UBXN10: variants seen among roughly 807,000 people sequenced by gnomAD.
UBXN10 encodes the protein UBX domain-containing protein 10.
Under a neutral mutation model 6.9 loss-of-function variants are expected in UBXN10, and 6 were observed. The observed-to-expected ratio is 0.87, with a 90% CI of 0.48 to 1.72. UBXN10 has a LOEUF of 1.72. Ranked by LOEUF, UBXN10 falls within the 40% of genes most tolerant of loss-of-function variation. UBXN10 has a pLI of 0.01. For missense variants in UBXN10, 317 were observed against 348.4 expected, an observed-to-expected ratio of 0.91 and a Z score of 0.72; for synonymous variants, 131 against 135.2, an observed-to-expected ratio of 0.97 and a Z score of 0.21.
Position 20,187,709 on chromosome 1 carries a change from A to G in UBXN10, c.-16+1556A>G, listed in dbSNP as rs1036527870. On this transcript the variant is annotated intron_variant, in intron 1 of 1. Transcript: ENST00000375099. This position sits in a 1 kb window ranked among gnomAD's most constrained non-coding sequence, Gnocchi z 4.6. Reference sequence around the variant, plus strand: ...GAGGTTTTTCTCTGAGATAGCTCACAGTCATGTTATCTTATGACCAGGGTG... The same window carrying G: ...GAGGTTTTTCTCTGAGATAGCTCACGGTCATGTTATCTTATGACCAGGGTG... Among the ~76,000 whole-genome samples the G allele has an allele frequency of 3.3e-5, 5 of 152,222 alleles. No homozygotes were observed. The highest frequency in any genetic ancestry group is 7.3e-5 in the Non-Finnish European group (5 of 68,032).
chr1:20,189,586 T>C (rs1056503620), intron 1 of UBXN10, among the ~76,000 whole-genome samples: 1 of 151,952 alleles, frequency 6.6e-6, no homozygotes, highest in Non-Finnish European at 1.5e-5. Context: ...AGGGTGCCTA[T>C]CGGGTAGCTG....
intron 1 of UBXN10, among the ~76,000 whole-genome samples, chr1:20,188,580 T>TTGCAGGAAGTGCAAATCATTC (rs578110974): frequency 1.2e-3 from 187 of 152,328 alleles, no homozygotes; most frequent in African/African-American, 4.1e-3. Context: ...AGGAGTGAAT[T>TTGCAGGAAGTGCAAATCATTC]TGCAGGAAGT....
In UBXN10 at chr1:20,187,913, C is replaced by G. The variant is rs796374830; in HGVS notation, c.-16+1760C>G. The stretch of plus-strand genomic sequence containing the variant: ...GTTTCTAAGTTACCAAACTCACTGA[C>G]AGTTAAACCTTCCTGAGGCATGTGT... On this transcript the variant is annotated intron_variant, in intron 1 of 1. Coordinates refer to ENST00000375099, the MANE Select transcript of UBXN10 (RefSeq NM_152376.5). This position sits in a 1 kb window ranked among gnomAD's most constrained non-coding sequence, Gnocchi z 4.6. 2.0e-5 allele frequency among the ~76,000 whole-genome samples: 3 copies of G among 152,302 alleles called. No individual in the cohort carries two copies. The highest frequency in any genetic ancestry group is 7.2e-5 in the African/African-American group (3 of 41,564).
chr1:20,189,304 G>T (rs1442607737), intron 1 of UBXN10, among the ~76,000 whole-genome samples: 1 of 152,048 alleles, frequency 6.6e-6, no homozygotes, highest in Non-Finnish European at 1.5e-5. Context: ...CACAGTGGTG[G>T]TCAGGATTCA....
intron 1 of UBXN10, among the ~76,000 whole-genome samples, chr1:20,188,948 C>T (rs916872705): frequency 1.3e-5 from 2 of 152,214 alleles, no homozygotes; most frequent in Non-Finnish European, 2.9e-5. Flanking sequence ...TGCACTAAGC[C>T]TGGTGCTTCC....
chr1:20,184,740 T>C (rs2018337385), upstream of UBXN10: 1 of 152,262 alleles, frequency 6.6e-6, no homozygotes, highest in African/African-American at 2.4e-5. Flanking sequence ...ATATGATGGC[T>C]TCTATTTTCT....
intron 1 of UBXN10, among the ~76,000 whole-genome samples, chr1:20,190,289 A>G (rs867083608): frequency 2.0e-5 from 3 of 152,076 alleles, no homozygotes; most frequent in African/African-American, 4.8e-5. Context: ...CTCTTTGAAA[A>G]TATCTATTTA....
In UBXN10 at chr1:20,191,112, C is replaced by G. The variant is rs771804047; in HGVS notation, c.551C>G (p.Ser184Cys). The change falls in exon 2 of 2, where the codon TCC becomes TGC. Residue 184 changes from serine (S) to cysteine (C), a missense_variant. Physicochemically the swap from Ser to Cys is moderately radical, Grantham distance 112. Transcript: ENST00000375099. The surrounding 1 kb of genome is among the most constrained non-coding windows in gnomAD (Gnocchi z 4.5). ...FIVRTKKQGS[S>C]RAGNLEEPSD... ...GTCCGAACCAAGAAACAGGGCTCTT[C>G]CAGGGCTGGAAATCTGGAGGAACCA... 29 of 1,614,156 alleles carry G rather than the reference C, an allele frequency of 1.8e-5. No homozygotes were observed. The Admixed American group carries it at 4.8e-4, about 27-fold the overall frequency.
rs367979343 is a variant in UBXN10 at position 20,190,523 on chromosome 1, C to T, written c.-15-24C>T. 3.2e-6 allele frequency: 5 copies of T among 1,579,278 alleles called. No individual in the cohort carries two copies. In the African/African-American group the frequency reaches 5.4e-5, roughly 17 times the overall value. On this transcript the variant is annotated intron_variant, in intron 1 of 1. Coordinates refer to ENST00000375099, the MANE Select transcript of UBXN10 (RefSeq NM_152376.5). The stretch of plus-strand genomic sequence containing the variant: ...TCCCAGGAAGTTTAACCCACGGACT[C>T]CTGTTTTTTTCCTGCTTCCTTAGGG...
upstream of UBXN10, chr1:20,184,191 G>GCACACGCA (rs1553184770): frequency 1.0e-5 from 1 of 95,414 alleles, no homozygotes; most frequent in East Asian, 3.2e-4. Flanking sequence ...GCGTGCGTGC[G>GCACACGCA]CACACGCACA....
chr1:20,183,917 T>C (rs2018318044), upstream of UBXN10, among the ~76,000 whole-genome samples: 1 of 152,152 alleles, frequency 6.6e-6, no homozygotes, highest in Admixed American at 6.5e-5. Flanking sequence ...CTGCCCATGT[T>C]TACTGAGATC....
At position 20,187,017 on chromosome 1, in the gene UBXN10, C is replaced by A. The variant is rs1186955637; in HGVS notation, c.-16+864C>A. Among the ~76,000 whole-genome samples, 1 of 152,182 alleles carries A rather than the reference C, an allele frequency of 6.6e-6. No individual in the cohort carries two copies. The highest frequency in any genetic ancestry group is 2.4e-5 in the African/African-American group (1 of 41,446). On this transcript the variant is annotated intron_variant, in intron 1 of 1. Coordinates refer to ENST00000375099, the MANE Select transcript of UBXN10 (RefSeq NM_152376.5). This position sits in a 1 kb window ranked among gnomAD's most constrained non-coding sequence, Gnocchi z 4.6. ...GTATGTAGGTGGTTATATTTTACTG[C>A]ATATACTGTAGGCTTAGATTTGGGT...
upstream of UBXN10, among the ~76,000 whole-genome samples, chr1:20,185,832 C>T (rs886230683): frequency 5.9e-5 from 9 of 152,224 alleles, no homozygotes; most frequent in Non-Finnish European, 1.2e-4. Flanking sequence ...AGGGCTCTCC[C>T]TCTCCCAGAC....
chr1:20,195,109 G>A lies in UBXN10; in HGVS notation c.*3705G>A, dbSNP rs1184256298. On this transcript the variant is annotated 3_prime_UTR_variant, in exon 2 of 2. Coordinates refer to ENST00000375099, the MANE Select transcript of UBXN10 (RefSeq NM_152376.5). ...AGGTGTTTTATTTTTTGTCTACACG[G>A]GTGGCGTGCCACTTTCCTTTCCTGA... 1 of 167,070 alleles carries A rather than the reference G, an allele frequency of 6.0e-6. No individual in the cohort carries two copies. The highest frequency in any genetic ancestry group is 2.4e-5 in the African/African-American group (1 of 41,456). The allele number at this position is 167,070 out of a possible 1,614,324, so 10.3% of individuals were successfully genotyped here.
Position 20,194,335 on chromosome 1 carries a change from T to G in UBXN10, c.*2931T>G, listed in dbSNP as rs1316142909. The G allele has an allele frequency of 6.0e-6, 1 of 167,140 alleles. No individual in the cohort carries two copies. The highest frequency in any genetic ancestry group is 1.5e-5 in the Non-Finnish European group (1 of 68,136). 10.4% of individuals were successfully genotyped at this position (167,140 alleles called of 1,614,324 possible). A position where few individuals can be genotyped will look rare whatever the true frequency, so the allele number is the denominator to read the frequency against. The stretch of plus-strand genomic sequence containing the variant: ...CAGGAGAAGTAAGTGATTCATCATC[T>G]AGAATCCAGAAAATTTGCACCAACA... On this transcript the variant is annotated 3_prime_UTR_variant, in exon 2 of 2. Coordinates refer to ENST00000375099, the MANE Select transcript of UBXN10 (RefSeq NM_152376.5).
Position 20,190,898 on chromosome 1 carries a change from A to G in UBXN10, c.337A>G (p.Lys113Glu). Reference sequence around the variant, plus strand: ...CACTGGGGCTTCCTCTTCTCTCAATAAGTATCCAGTCCTTCCTTCCATCAA... The same window carrying G: ...CACTGGGGCTTCCTCTTCTCTCAATGAGTATCCAGTCCTTCCTTCCATCAA... ...VPTGASSSLNKYPVLPSINRK... is the reference protein window; with the variant it reads ...VPTGASSSLNEYPVLPSINRK... The change falls in exon 2 of 2, where the codon AAG becomes GAG. Residue 113 changes from lysine to glutamate, a missense_variant. Coordinates refer to ENST00000375099, the MANE Select transcript of UBXN10 (RefSeq NM_152376.5). 6.2e-7 allele frequency: 1 copy of G among 1,614,046 alleles called. No homozygotes were observed. The highest frequency in any genetic ancestry group is 8.5e-7 in the Non-Finnish European group (1 of 1,180,016).
At chr1:20,183,525 G>C (rs1443867294), upstream of UBXN10, among the ~76,000 whole-genome samples, 1 of 152,216 alleles carries the variant, frequency 6.6e-6, no homozygotes, top group Non-Finnish European at 1.5e-5. Context: ...GCAAAGGAGG[G>C]CTATGATGCC....
chr1:20,193,865 C>G lies in UBXN10; in HGVS notation c.*2461C>G, dbSNP rs779161103. 1.5e-4 allele frequency: 25 copies of G among 167,040 alleles called. No individual in the cohort carries two copies. The highest frequency in any genetic ancestry group is 2.9e-4 in the Non-Finnish European group (20 of 68,122). The allele number at this position is 167,040 out of a possible 1,614,324, so 10.3% of individuals were successfully genotyped here. On this transcript the variant is annotated 3_prime_UTR_variant, in exon 2 of 2. Coordinates refer to ENST00000375099, the MANE Select transcript of UBXN10 (RefSeq NM_152376.5). ...TTGCATTGCAGCTGAGGCCCCCTGT[C>G]CTAAATGGGCTCAACCGGCCTAGCA...
At chr1:20,190,400 T>C (rs1346943152) in intron 1 of UBXN10, 147 bp from the exon 2 acceptor site, 2 of 1,018,806 alleles carry the variant, frequency 2.0e-6, no homozygotes, top group African/African-American at 3.2e-5. Context: ...AATGAATGCA[T>C]GCCTGAATGA....
Sources: gnomAD v4.1 joint callset for allele counts (sites outside exome capture counted in the v4.1 genomes callset) on GRCh38, gnomAD v4.1.1 for gene constraint, Gnocchi (gnomAD v3.1) non-coding constraint, MANE v1.5 for transcripts, NCBI Gene and HGNC (gene_info 2026-07-23, HGNC 2026-07-21) for gene names.